The following TYR variants were observed in gnomAD, a reference collection of about 807,000 sequenced individuals.
TYR encodes LB24-AB.
A neutral mutation model predicts 51.5 loss-of-function variants in TYR; 58 were observed. The observed-to-expected ratio is 1.13, with a 90% CI of 0.91 to 1.40. The LOEUF is 1.40. TYR is among the 40% of genes most tolerant of loss of function. TYR has a pLI of 0.00. For missense variants in TYR, 732 were observed against 647.4 expected, an observed-to-expected ratio of 1.13 and a Z score of -1.42; for synonymous variants, 263 against 235.2, an observed-to-expected ratio of 1.12 and a Z score of -1.08.
At chr11:89,290,605 T>C (rs1158435556) in intron 4 of TYR, among the ~76,000 whole-genome samples, 1 of 152,022 alleles carries the variant, frequency 6.6e-6, no homozygotes, top group Non-Finnish European at 1.5e-5. Context: ...AGGTCTAGGG[T>C]TTACCCTGGG....
intron 2 of TYR, among the ~76,000 whole-genome samples, chr11:89,208,966 G>A (rs747029286): frequency 6.6e-6 from 1 of 152,186 alleles, no homozygotes; most frequent in Non-Finnish European, 1.5e-5. Context: ...TGCTTTGGGA[G>A]AGCTTCCAAG....
At position 89,191,269 on chromosome 11, in the gene TYR, C is replaced by CT. The variant is rs2135253219; in HGVS notation, c.890dup (p.Leu297PhefsTer4). The CT allele has an allele frequency of 7.4e-6, 12 of 1,613,604 alleles. No individual in the cohort carries two copies. The highest frequency in any genetic ancestry group is 1.0e-5 in the Non-Finnish European group (12 of 1,179,756). On this transcript the variant is annotated frameshift_variant, in exon 2 of 5. Coordinates refer to ENST00000263321, the MANE Select transcript of TYR (RefSeq NM_000372.5). LOFTEE classifies it high-confidence loss of function. Reference sequence around the variant, plus strand: ...TTATGCAATGGAACGCCCGAGGGACCTTTACGGCGTAATCCTGGAAACCAT... The same window carrying CT: ...TTATGCAATGGAACGCCCGAGGGACCTTTTACGGCGTAATCCTGGAAACCAT...
rs1004440986 is a variant in TYR, at chr11:89,271,816, T to G, written c.1185-12957T>G. Among the ~76,000 whole-genome samples the G allele has an allele frequency of 1.1e-4, 17 of 151,968 alleles. 1 individual carries two copies. The highest frequency in any genetic ancestry group is 4.1e-4 in the African/African-American group (17 of 41,434). On this transcript the variant is annotated intron_variant, in intron 3 of 4. Coordinates refer to ENST00000263321, the MANE Select transcript of TYR (RefSeq NM_000372.5). Reference sequence around the variant, plus strand: ...AGTTTATAGAATATTCTAAGTACTTTGTTGTCAGTTCAACAGTGTTGACAG... The same window carrying G: ...AGTTTATAGAATATTCTAAGTACTTGGTTGTCAGTTCAACAGTGTTGACAG...
chr11:89,213,872 G>A (rs1212236771), intron 2 of TYR, among the ~76,000 whole-genome samples: 1 of 152,144 alleles, frequency 6.6e-6, no homozygotes, highest in African/African-American at 2.4e-5. Context: ...ATGGTGTTGG[G>A]AAAACTGGCT....
chr11:89,252,526 T>A (rs566547580), intron 3 of TYR, among the ~76,000 whole-genome samples: 1 of 151,644 alleles, frequency 6.6e-6, no homozygotes, highest in African/African-American at 2.4e-5. Context: ...AAAAACAAAA[T>A]CCACTACAAG....
chr11:89,195,773 A>C (rs957377977), intron 2 of TYR, among the ~76,000 whole-genome samples: 1 of 152,214 alleles, frequency 6.6e-6, no homozygotes, highest in Non-Finnish European at 1.5e-5. Context: ...TGATTAGGTT[A>C]AATAGGGGAC....
At chr11:89,253,877 G>A (rs545184042) in intron 3 of TYR, among the ~76,000 whole-genome samples, 10 of 151,668 alleles carry the variant, frequency 6.6e-5, no homozygotes, top group East Asian at 1.9e-4. Flanking sequence ...ATGGAAGGGC[G>A]AGAGTGGGCA....
chr11:89,209,217 G>A (rs548506814), intron 2 of TYR, among the ~76,000 whole-genome samples: 1 of 152,294 alleles, frequency 6.6e-6, no homozygotes, highest in Admixed American at 6.5e-5. Context: ...GTACCTGGAG[G>A]AACAGTACAC....
intron 2 of TYR, among the ~76,000 whole-genome samples, chr11:89,196,880 A>G (rs967200272): frequency 1.3e-5 from 2 of 152,204 alleles, no homozygotes; most frequent in African/African-American, 4.8e-5. Context: ...GCCATCCATG[A>G]ACCTGGTATT....
intron 3 of TYR, among the ~76,000 whole-genome samples, chr11:89,241,492 A>C (rs2135291778): frequency 6.6e-6 from 1 of 152,146 alleles, no homozygotes; most frequent in South Asian, 2.1e-4. Context: ...AAGCCCTTTA[A>C]ATATTATATT....
chr11:89,216,400 A>G (rs1943832440), intron 2 of TYR, among the ~76,000 whole-genome samples: 1 of 152,072 alleles, frequency 6.6e-6, no homozygotes, highest in South Asian at 2.1e-4. Context: ...TTATGGTATC[A>G]TAAGAAAACT....
chr11:89,281,953 A>G (rs1399796016), intron 3 of TYR, among the ~76,000 whole-genome samples: 2 of 151,800 alleles, frequency 1.3e-5, no homozygotes, highest in African/African-American at 4.8e-5. Context: ...CCCAAATGTC[A>G]ATGTAATTAT....
chr11:89,231,407 G>A (rs550096499), intron 3 of TYR, among the ~76,000 whole-genome samples: 6 of 109,100 alleles, frequency 5.5e-5, no homozygotes, highest in South Asian at 3.1e-4. Context: ...TATTGATAAC[G>A]ATGGATAGAT....
intron 2 of TYR, among the ~76,000 whole-genome samples, chr11:89,202,074 CTT>C (rs1445877479): frequency 4.1e-4 from 55 of 133,528 alleles, no homozygotes; most frequent in East Asian, 4.5e-4. Flanking sequence ...GCCACAGTGA[CTT>C]ATATAATAAT....
intron 3 of TYR, among the ~76,000 whole-genome samples, chr11:89,242,699 C>A (rs1011445945): frequency 7.2e-5 from 11 of 152,258 alleles, no homozygotes; most frequent in Admixed American, 6.5e-4. Flanking sequence ...ACTTTTTTTA[C>A]ATTTAGAATC....
In TYR at chr11:89,224,023, G is replaced by T. The variant is rs77647959; in HGVS notation, c.1037-3800G>T. 1.3e-3 allele frequency among the ~76,000 whole-genome samples: 193 copies of T among 151,734 alleles called. 4 individuals carry two copies. The East Asian group carries it at 0.031, about 24-fold the overall frequency. ...GGCTGAAAACGCTCTTAAAATGTCG[G>T]TCCATTCTACTTCCTAAGACACCTA... On this transcript the variant is annotated intron_variant, in intron 2 of 4. Transcript: ENST00000263321.
intron 3 of TYR, among the ~76,000 whole-genome samples, chr11:89,280,337 T>A (rs955443065): frequency 1.3e-5 from 2 of 151,606 alleles, no homozygotes; most frequent in African/African-American, 2.4e-5. Flanking sequence ...TTCTTAATTA[T>A]TTTTTATTCT....
chr11:89,280,604 T>C lies in TYR; in HGVS notation c.1185-4169T>C, dbSNP rs371125119. On this transcript the variant is annotated intron_variant, in intron 3 of 4. Transcript: ENST00000263321. The stretch of plus-strand genomic sequence containing the variant: ...ATTATGTATAGTTTTTTAAAATTGA[T>C]ATTATTCACAATTATTTCAGATTCT... Among the ~76,000 whole-genome samples, 10 of 151,584 alleles carry C rather than the reference T, an allele frequency of 6.6e-5. No individual in the cohort carries two copies. The South Asian group carries it at 1.7e-3, about 25-fold the overall frequency.
chr11:89,289,763 C>T (rs1373492872), intron 4 of TYR, among the ~76,000 whole-genome samples: 2 of 152,030 alleles, frequency 1.3e-5, no homozygotes, highest in South Asian at 2.1e-4. Flanking sequence ...AATAAATGGA[C>T]GTTTGTGCCA....
Sources: allele counts gnomAD v4.1 joint callset (sites outside exome capture counted in the v4.1 genomes callset), GRCh38; gene constraint gnomAD v4.1.1; transcripts MANE v1.5; gene names NCBI Gene and HGNC (gene_info 2026-07-23, HGNC 2026-07-21).